Variants in ASTN2 observed in about 807,000 individuals in gnomAD.
The protein encoded by ASTN2 is astrotactin-2.
ASTN2 carries 54 observed loss-of-function variants against 139.8 expected under a neutral mutation model. The observed-to-expected ratio is 0.39, with a 90% CI of 0.31 to 0.48. The LOEUF is 0.48. ASTN2 is among the 20% of genes least tolerant of loss of function. The pLI, the probability that ASTN2 is intolerant of heterozygous loss-of-function variation, is 0.95. For synonymous variants in ASTN2, 756 were observed against 719.5 expected (o/e 1.05, Z -0.81); for missense variants, 1,565 against 1,725.1 (o/e 0.91, Z 1.64).
intron 2 of ASTN2, among the ~76,000 whole-genome samples, chr9:117,241,494 G>T (rs552758575): frequency 6.6e-6 from 1 of 152,284 alleles, no homozygotes; most frequent in African/African-American, 2.4e-5. Context: ...GGGGGCCTGT[G>T]GTTACGGAAT....
chr9:117,060,342 GAGAGAAAGAAAGAAAGAAAGAAAGAA>G (rs1839213008), intron 5 of ASTN2, among the ~76,000 whole-genome samples: 4 of 66,498 alleles, frequency 6.0e-5, no homozygotes, highest in African/African-American at 3.0e-4. Flanking sequence ...AAGAAAGAAA[GAGAGAAAGAAAGAAAGAAAGAAAGAA>G]AGAAAGAAAG....
intron 19 of ASTN2, among the ~76,000 whole-genome samples, chr9:116,593,680 A>C (rs1043535371): frequency 6.6e-6 from 1 of 152,186 alleles, no homozygotes; most frequent in Admixed American, 6.5e-5. Flanking sequence ...CAAAGAATCA[A>C]CTTCAGATAT....
At chr9:117,183,067 GA>G (rs1831114256) in intron 3 of ASTN2, among the ~76,000 whole-genome samples, 1 of 152,126 alleles carries the variant, frequency 6.6e-6, no homozygotes, top group South Asian at 2.1e-4. Context: ...AGGCCTTCTT[GA>G]ACAGCCAAAT....
chr9:116,586,835 C>T (rs10983250), intron 19 of ASTN2, among the ~76,000 whole-genome samples: 61 of 144,100 alleles, frequency 4.2e-4, no homozygotes, highest in Middle Eastern at 3.5e-3. Context: ...CATACATACA[C>T]ACACACACAC....
intron 3 of ASTN2, among the ~76,000 whole-genome samples, chr9:117,142,973 C>A (rs1390286450): frequency 2.0e-5 from 3 of 152,140 alleles, no homozygotes; most frequent in African/African-American, 7.2e-5. Flanking sequence ...GGGGCTTCAT[C>A]AGACTAGACA....
At chr9:117,243,835 A>C (rs1295594502) in intron 2 of ASTN2, among the ~76,000 whole-genome samples, 1 of 152,178 alleles carries the variant, frequency 6.6e-6, no homozygotes, top group African/African-American at 2.4e-5. Flanking sequence ...CAAGGTGGCT[A>C]CCCAATATGC....
intron 11 of ASTN2, among the ~76,000 whole-genome samples, chr9:116,831,866 T>C (rs1442135248): frequency 6.6e-6 from 1 of 152,192 alleles, no homozygotes; most frequent in African/African-American, 2.4e-5. Context: ...CATGTGGACA[T>C]CTTTATTATC....
chr9:117,017,180 T>G (rs1467655445), intron 6 of ASTN2, among the ~76,000 whole-genome samples: 1 of 152,152 alleles, frequency 6.6e-6, no homozygotes, highest in Non-Finnish European at 1.5e-5. Flanking sequence ...TCATTTTTCT[T>G]TAATCATTTA....
At chr9:116,672,262 G>C (rs954356098) in intron 16 of ASTN2, among the ~76,000 whole-genome samples, 1 of 151,688 alleles carries the variant, frequency 6.6e-6, no homozygotes, top group Non-Finnish European at 1.5e-5. Context: ...GCTACTTGGG[G>C]GACTGAGGTG....
chr9:117,414,718 G>A lies in ASTN2; in HGVS notation c.221C>T (p.Pro74Leu). The A allele has an allele frequency of 1.0e-5, 13 of 1,276,944 alleles. No individual in the cohort carries two copies. The highest frequency in any genetic ancestry group is 1.1e-5 in the Non-Finnish European group (11 of 1,011,308). The allele number at this position is 1,276,944 out of a possible 1,614,324, so 79.1% of individuals were successfully genotyped here. ...GCCGATGTCGCTCTCCCGCAGGGCG[G>A]GCAGTGTGGACACCGTGACGGTCTT... The part of the protein sequence containing the change: ...RLKTVTVSTL[P>L]ALRESDIGWS... The change falls in exon 1 of 23, where the codon CCC becomes CTC. Residue 74 changes from proline to leucine, a missense_variant. By Grantham distance (98) the Pro-to-Leu change is moderately conservative. This residue lies in a region of ASTN2 where 596 missense variants were observed against 576.8 expected (regional missense o/e 1.03). Coordinates refer to ENST00000313400, the MANE Select transcript of ASTN2 (RefSeq NM_001365068.1). This position sits in a 1 kb window ranked among gnomAD's most constrained non-coding sequence, Gnocchi z 4.2.
At chr9:116,739,100 G>A (rs903044122) in intron 13 of ASTN2, among the ~76,000 whole-genome samples, 1 of 151,978 alleles carries the variant, frequency 6.6e-6, no homozygotes, top group African/African-American at 2.4e-5. Context: ...GACATTCTAG[G>A]GAAACAATTC....
At chr9:117,212,553 T>C (rs961007457) in intron 3 of ASTN2, among the ~76,000 whole-genome samples, 7 of 146,572 alleles carry the variant, frequency 4.8e-5, no homozygotes, top group Non-Finnish European at 3.0e-5. Flanking sequence ...GACTCAAACA[T>C]TCCAACAGCA....
At chr9:116,515,925 C>G (rs1055479931) in intron 19 of ASTN2, among the ~76,000 whole-genome samples, 2 of 152,118 alleles carry the variant, frequency 1.3e-5, no homozygotes, top group African/African-American at 4.8e-5. Flanking sequence ...ACTATGGGAA[C>G]ACACCACTAG....
intron 2 of ASTN2, among the ~76,000 whole-genome samples, chr9:117,238,682 T>C (rs1833117738): frequency 6.6e-6 from 1 of 152,196 alleles, no homozygotes; most frequent in Non-Finnish European, 1.5e-5. Context: ...TTTCACTGAC[T>C]AGTTGCTTGA....
intron 16 of ASTN2, chr9:116,697,861 G>T: frequency 6.2e-7 from 1 of 1,614,168 alleles, no homozygotes; most frequent in Non-Finnish European, 8.5e-7. Flanking sequence ...CTGCACTGTG[G>T]CCATACCATC....
chr9:116,530,127 ATATATATATATATATATATATAT>A (rs1564345753), intron 19 of ASTN2, among the ~76,000 whole-genome samples: 6 of 36,502 alleles, frequency 1.6e-4, no homozygotes, highest in African/African-American at 3.8e-4. Flanking sequence ...ATATATATAT[ATATATATATATATATATATATAT>A]AAAATAGAAT....
At chr9:117,352,754 G>C (rs1829425917) in intron 1 of ASTN2, among the ~76,000 whole-genome samples, 1 of 152,094 alleles carries the variant, frequency 6.6e-6, no homozygotes. Flanking sequence ...AAAAGGTAAA[G>C]ACAACCCAAG....
intron 3 of ASTN2, among the ~76,000 whole-genome samples, chr9:117,146,393 G>C (rs1830196167): frequency 6.6e-6 from 1 of 151,432 alleles, no homozygotes; most frequent in Non-Finnish European, 1.5e-5. Context: ...TAAACCACTG[G>C]GGCCTGAGGA....
At chr9:117,260,270 G>A (rs908125359) in intron 2 of ASTN2, among the ~76,000 whole-genome samples, 5 of 152,156 alleles carry the variant, frequency 3.3e-5, no homozygotes, top group African/African-American at 1.2e-4. Flanking sequence ...GTTCCTTTGA[G>A]CAATCTGTCA....
Sources: gnomAD v4.1 joint callset for allele counts (sites outside exome capture counted in the v4.1 genomes callset) on GRCh38, gnomAD v4.1.1 for gene constraint, gnomAD v4.1.1 regional missense constraint, Gnocchi (gnomAD v3.1) non-coding constraint, MANE v1.5 for transcripts, NCBI Gene and HGNC (gene_info 2026-07-23, HGNC 2026-07-21) for gene names.